Variants in SLC66A1 observed in about 807,000 individuals in gnomAD.
SLC66A1 encodes lysosomal amino acid transporter 1 homolog.
Under a neutral mutation model 33.0 loss-of-function variants are expected in SLC66A1, and 23 were observed. That is an observed-to-expected ratio of 0.70 (90% CI 0.50 to 0.99). SLC66A1 has a LOEUF of 0.99. SLC66A1 is among the 50% of genes least tolerant of loss of function. SLC66A1 has a pLI of 0.00. For synonymous variants in SLC66A1, 164 were observed against 175.5 expected (o/e 0.93, Z 0.52); for missense variants, 335 against 383.6 (o/e 0.87, Z 1.06).
rs193010751 is a variant in SLC66A1 at position 19,321,546 on chromosome 1, G to A, written c.165-3087G>A. On this transcript the variant is annotated intron_variant, in intron 2 of 7. Transcript: ENST00000375153. The stretch of plus-strand genomic sequence containing the variant: ...GTGTTTGATCCATTTTGTAAATGAT[G>A]TGAAGTAGGAGTCCAACCTCATTTT... Among the ~76,000 whole-genome samples, 59 of 148,004 alleles carry A rather than the reference G, an allele frequency of 4.0e-4. 3 individuals are homozygous for A. Among genetic ancestry groups the A allele is most frequent in the African/African-American group, 1.5e-3 (58 of 38,464 alleles).
chr1:19,324,850 CG>C (rs2093855523), intron 3 of SLC66A1, 88 bp downstream of exon 3: 2 of 1,508,052 alleles, frequency 1.3e-6, no homozygotes, highest in Admixed American at 2.0e-5. Context: ...CTCTTTGGCC[CG>C]CCTGGTCTCC....
rs574979547 is a variant in SLC66A1, at chr1:19,326,615, C to T, written c.610C>T (p.Arg204Cys). The change falls in exon 6 of 8, where the codon CGC becomes TGC. Residue 204 changes from arginine to cysteine, a missense_variant. Physicochemically the swap from Arg to Cys is radical, Grantham distance 180. Transcript: ENST00000375153. ...CCTGCTTTCCCGGCTGCCTCAGATC[C>T]GCACCAACGTGAGCCTCCAGCAGGG... ...LYLLSRLPQIRTNFLRKSTQG... is the reference protein window; with the variant it reads ...LYLLSRLPQICTNFLRKSTQG... 1.2e-5 allele frequency: 19 copies of T among 1,613,998 alleles called. No homozygotes were observed. Among genetic ancestry groups the T allele is most frequent in the East Asian group, 2.2e-5 (1 of 44,904 alleles).
downstream of SLC66A1, among the ~76,000 whole-genome samples, chr1:19,330,368 C>T (rs1361088819): frequency 1.3e-5 from 2 of 152,166 alleles, no homozygotes; most frequent in Admixed American, 6.6e-5. Flanking sequence ...AGAAGGGAAA[C>T]GGTGCCATGG....
At chr1:19,321,118 T>G (rs2093834741) in intron 2 of SLC66A1, among the ~76,000 whole-genome samples, 2 of 148,934 alleles carry the variant, frequency 1.3e-5, no homozygotes, top group African/African-American at 5.1e-5. Flanking sequence ...TGGTGTCATA[T>G]CTAAGAAACC....
At chr1:19,315,508 CG>C (rs2093800291) in intron 1 of SLC66A1, among the ~76,000 whole-genome samples, 1 of 152,226 alleles carries the variant, frequency 6.6e-6, no homozygotes. Flanking sequence ...CTTTCCCTCC[CG>C]GTGCTCCCTG....
chr1:19,321,569 T>G (rs2093837903), intron 2 of SLC66A1, among the ~76,000 whole-genome samples: 1 of 146,242 alleles, frequency 6.8e-6, no homozygotes. Context: ...CCAACCTCAT[T>G]TTTTTTTTTT....
At chr1:19,313,339 C>G in intron 1 of SLC66A1, 1 of 737,622 alleles carries the variant, frequency 1.4e-6, no homozygotes, top group Non-Finnish European at 1.7e-6. Context: ...CACCCGTTTC[C>G]TCTCTTCTTC....
Position 19,328,497 on chromosome 1 carries a change from C to T in SLC66A1, c.805-75C>T. The T allele has an allele frequency of 7.1e-7, 1 of 1,404,426 alleles. No individual in the cohort carries two copies. The highest frequency in any genetic ancestry group is 9.9e-7 in the Non-Finnish European group (1 of 1,014,436). The allele number at this position is 1,404,426 out of a possible 1,614,324, so 87.0% of individuals were successfully genotyped here. A position where few individuals can be genotyped will look rare whatever the true frequency, so the allele number is the denominator to read the frequency against. ...GAGGGAGGGGAGAGGGAGGCAGCTCCCAGGAGTCGAAGGCCCCCAGGGGCA... is the reference window on the plus strand; with the variant it reads ...GAGGGAGGGGAGAGGGAGGCAGCTCTCAGGAGTCGAAGGCCCCCAGGGGCA... On this transcript the variant is annotated intron_variant, in intron 7 of 7. Coordinates refer to ENST00000375153, the MANE Select transcript of SLC66A1 (RefSeq NM_001040125.2). The surrounding 1 kb of genome is among the most constrained non-coding windows in gnomAD (Gnocchi z 4.7).
At chr1:19,316,180 G>A (rs773272044) in intron 1 of SLC66A1, among the ~76,000 whole-genome samples, 50 of 152,164 alleles carry the variant, frequency 3.3e-4, no homozygotes, top group Admixed American at 1.2e-3. Context: ...TGTGACGGTG[G>A]GGAGGTGGCT....
chr1:19,327,578 C>A (rs957437514), intron 7 of SLC66A1, 166 bp downstream of exon 7: 3 of 824,410 alleles, frequency 3.6e-6, no homozygotes, highest in Non-Finnish European at 3.9e-6. Context: ...CAGTCGTGCA[C>A]ACCTCCTGTG....
In SLC66A1 at chr1:19,312,330, G is replaced by T. The variant is rs1279050594; in HGVS notation, c.-638G>T. ...TGACCCGGCGGGCCTTGACCCAGAA[G>T]CTGGGCCCTGGCGGCGGATCTGGAC... On this transcript the variant is annotated 5_prime_UTR_variant, in exon 1 of 8. Coordinates refer to ENST00000375153, the MANE Select transcript of SLC66A1 (RefSeq NM_001040125.2). 14 of 287,476 alleles carry T rather than the reference G, an allele frequency of 4.9e-5. No individual in the cohort carries two copies. Among genetic ancestry groups the T allele is most frequent in the Non-Finnish European group, 8.6e-5 (14 of 162,128 alleles). The allele number at this position is 287,476 out of a possible 1,614,324, so 17.8% of individuals were successfully genotyped here.
Position 19,328,585 on chromosome 1 carries a change from TC to T in SLC66A1, c.820del (p.Leu274TrpfsTer128). 4.3e-6 allele frequency: 7 copies of T among 1,613,538 alleles called. No homozygotes were observed. The highest frequency in any genetic ancestry group is 5.9e-6 in the Non-Finnish European group (7 of 1,179,914). On this transcript the variant is annotated frameshift_variant, in exon 8 of 8. Coordinates refer to ENST00000375153, the MANE Select transcript of SLC66A1 (RefSeq NM_001040125.2). LOFTEE classifies it high-confidence loss of function. This position sits in a 1 kb window ranked among gnomAD's most constrained non-coding sequence, Gnocchi z 4.7. ...LLLDTIISIQ[F>X]LVYRRSTAAS... The stretch of plus-strand genomic sequence containing the variant: ...CGGCACCCCCAGATCTCCATCCAGT[TC>T]CTGGTGTACAGGCGCAGCACCGCCG...
intron 4 of SLC66A1, 25 bp downstream of exon 4, chr1:19,325,607 C>T (rs1237560504): frequency 7.2e-7 from 1 of 1,382,322 alleles, no homozygotes; most frequent in African/African-American, 1.5e-5. Flanking sequence ...CGCTCTCTGT[C>T]AGATGCTCTA....
At position 19,325,588 on chromosome 1, in the gene SLC66A1, T is replaced by C. The variant is rs1437528798; in HGVS notation, c.382+6T>C. ...CAGGACGCGCCCCTCTCTGTGTGAG[T>C]ATGGGGACCGCTCTCTGTCAGATGC... On this transcript the variant is annotated splice_donor_region_variant and intron_variant, in intron 4 of 7. Transcript: ENST00000375153. The C allele has an allele frequency of 1.9e-6, 3 of 1,540,916 alleles. No individual in the cohort carries two copies. The highest frequency in any genetic ancestry group is 2.7e-6 in the Non-Finnish European group (3 of 1,125,582).
chr1:19,319,330 T>C (rs182452548), intron 2 of SLC66A1, among the ~76,000 whole-genome samples: 1 of 152,338 alleles, frequency 6.6e-6, no homozygotes, highest in East Asian at 1.9e-4. Flanking sequence ...CTAGTCTACT[T>C]TCTGTCTCTG....
At chr1:19,331,055 A>G (rs957543252), downstream of SLC66A1, among the ~76,000 whole-genome samples, 1 of 152,014 alleles carries the variant, frequency 6.6e-6, no homozygotes, top group Non-Finnish European at 1.5e-5. Flanking sequence ...TCTGCCGCCC[A>G]AGCTGGAGTG....
Position 19,328,597 on chromosome 1 carries a change from G to A in SLC66A1, c.830G>A (p.Arg277Lys). ...TIISIQFLVY[R>K]RSTAASELEP... ...ATCTCCATCCAGTTCCTGGTGTACA[G>A]GCGCAGCACCGCCGCCTCGGAGCTT... is the stretch of plus-strand genomic sequence containing the variant. Residue 277 changes from arginine to lysine, a missense_variant, in exon 8 of 8, where the codon AGG (arginine) becomes AAG (lysine). Transcript: ENST00000375153. This position sits in a 1 kb window ranked among gnomAD's most constrained non-coding sequence, Gnocchi z 4.7. 6.2e-7 allele frequency: 1 copy of A among 1,613,726 alleles called. No individual in the cohort carries two copies. The highest frequency in any genetic ancestry group is 8.5e-7 in the Non-Finnish European group (1 of 1,179,960).
chr1:19,319,614 T>TTGTTTTTTTTTTTG (rs1324233993), intron 2 of SLC66A1, among the ~76,000 whole-genome samples: 1 of 148,546 alleles, frequency 6.7e-6, no homozygotes, highest in African/African-American at 2.6e-5. Flanking sequence ...TGTTTTTTTT[T>TTGTTTTTTTTTTTG]TTTTTTTGCC....
chr1:19,317,502 G>A, intron 1 of SLC66A1, 98 bp from the exon 2 acceptor site: 3 of 1,372,062 alleles, frequency 2.2e-6, no homozygotes, highest in Non-Finnish European at 2.9e-6. Context: ...TCAGGGCCAG[G>A]AGCCCCGTGA....
Sources: gnomAD v4.1 joint callset for allele counts (sites outside exome capture counted in the v4.1 genomes callset) on GRCh38, gnomAD v4.1.1 for gene constraint, Gnocchi (gnomAD v3.1) non-coding constraint, MANE v1.5 for transcripts, NCBI Gene and HGNC (gene_info 2026-07-23, HGNC 2026-07-21) for gene names.